Variants in DOCK2 observed in about 807,000 individuals in gnomAD.
The protein encoded by DOCK2 is dedicator of cytokinesis 2, also known as dedicator of cytokinesis protein 2.
In DOCK2, 87 loss-of-function variants were observed where a neutral mutation model predicts 248.9. That is an observed-to-expected ratio of 0.35 (90% confidence interval 0.29 to 0.42). The LOEUF (loss-of-function observed/expected upper bound fraction) is 0.42, where lower values mean the gene tolerates loss of function less well. Among genes scored for constraint, DOCK2 ranks in the 10% least tolerant of loss-of-function variants. The pLI, the probability that DOCK2 is intolerant of heterozygous loss-of-function variation, is 1.00. For missense variants in DOCK2, 1,747 were observed against 2,300.2 expected, an observed-to-expected ratio of 0.76 and a Z score of 4.92; for synonymous variants, 805 against 821.6, an observed-to-expected ratio of 0.98 and a Z score of 0.35.
chr5:169,670,981 C>G, intron 4 of DOCK2, 97 bp from the exon 5 acceptor site: 1 of 939,004 alleles, frequency 1.1e-6, no homozygotes, highest in Non-Finnish European at 1.7e-6. Flanking sequence ...TCAGGAAGGC[C>G]CCTCCGCAGC....
rs139981896 is a variant in DOCK2, at chr5:169,771,533, G to A, written c.2554+9908G>A. On this transcript the variant is annotated intron_variant, in intron 25 of 51. Coordinates refer to ENST00000520908, the MANE Select transcript of DOCK2 (RefSeq NM_004946.3). ...CCTGACCTTGTGATCCCTCTGCCTC[G>A]GCCTCCCAAAGTGCTGAGATTACAG... is the stretch of plus-strand genomic sequence containing the variant. 1.5e-3 allele frequency among the ~76,000 whole-genome samples: 223 copies of A among 152,120 alleles called. 3 individuals carry two copies. Among genetic ancestry groups the A allele is most frequent in the Non-Finnish European group, 2.5e-3 (168 of 67,986 alleles).
rs369302641 is a variant in DOCK2, at chr5:169,837,053, C to T, written c.2704-3704C>T. 2.6e-4 allele frequency among the ~76,000 whole-genome samples: 40 copies of T among 152,216 alleles called. No homozygotes were observed. In the South Asian group the frequency reaches 8.1e-3, roughly 31 times the overall value. On this transcript the variant is annotated intron_variant, in intron 26 of 51. Transcript: ENST00000520908. ...AGGGCTTGGCTCCCTTAGCCCCGACCCTGCCTAGTCCCCATCCACTCCCAG... is the reference window on the plus strand; with the variant it reads ...AGGGCTTGGCTCCCTTAGCCCCGACTCTGCCTAGTCCCCATCCACTCCCAG...
At chr5:169,957,702 C>G (rs932571801) in intron 27 of DOCK2, among the ~76,000 whole-genome samples, 3 of 152,176 alleles carry the variant, frequency 2.0e-5, no homozygotes, top group African/African-American at 7.2e-5. Context: ...TTCAGCTCCC[C>G]AGAGTACCCT....
chr5:170,050,203 C>T, intron 40 of DOCK2, 53 bp from the exon 41 acceptor site: 1 of 1,597,142 alleles, frequency 6.3e-7, no homozygotes, highest in Non-Finnish European at 8.5e-7. Flanking sequence ...TTGCTTGGCC[C>T]CTTTCTTCAC....
At position 169,682,392 on chromosome 5, in the gene DOCK2, A is replaced by G. The variant is rs201442766; in HGVS notation, c.606+513A>G. The stretch of plus-strand genomic sequence containing the variant: ...GCAGGTGCAAAGGCCCTGAGGTAGG[A>G]CTGCATTCTGACTATTCAAGGAGTA... On this transcript the variant is annotated intron_variant, in intron 7 of 51. Transcript: ENST00000520908. Among the ~76,000 whole-genome samples the G allele has an allele frequency of 6.6e-5, 10 of 152,336 alleles. No individual in the cohort carries two copies. In the East Asian group the frequency reaches 1.9e-3, roughly 29 times the overall value.
At chr5:169,709,169 T>C (rs1361022972) in intron 15 of DOCK2, among the ~76,000 whole-genome samples, 2 of 152,220 alleles carry the variant, frequency 1.3e-5, no homozygotes, top group African/African-American at 4.8e-5. Flanking sequence ...GAACTAGATT[T>C]TGCATTCCTT....
chr5:170,057,939 G>A (rs1449786020), intron 44 of DOCK2, among the ~76,000 whole-genome samples: 1 of 151,924 alleles, frequency 6.6e-6, no homozygotes, highest in Non-Finnish European at 1.5e-5. Flanking sequence ...TGTTGGGTGG[G>A]TGGGGTGTAG....
At position 170,082,783 on chromosome 5, in the gene DOCK2, A is replaced by T. The variant is rs368044729; in HGVS notation, c.5431-13A>T. ...TCGCATCTTGGTTTTGTGCTTGTTT[A>T]TTCTCTCAAAAGCTGGCCAGCAAAT... On this transcript the variant is annotated splice_polypyrimidine_tract_variant and intron_variant, in intron 51 of 51. Coordinates refer to ENST00000520908, the MANE Select transcript of DOCK2 (RefSeq NM_004946.3). 2.7e-5 allele frequency: 44 copies of T among 1,613,978 alleles called. No individual in the cohort carries two copies. Among genetic ancestry groups the T allele is most frequent in the Non-Finnish European group, 3.6e-5 (42 of 1,180,016 alleles).
chr5:169,743,931 TTA>T (rs995676509), intron 22 of DOCK2, among the ~76,000 whole-genome samples: 23 of 148,848 alleles, frequency 1.5e-4, no homozygotes, highest in Non-Finnish European at 2.2e-4. Context: ...ATTTATATTA[TTA>T]TATATATATA....
intron 25 of DOCK2, among the ~76,000 whole-genome samples, chr5:169,775,912 G>T (rs1045784036): frequency 6.6e-6 from 1 of 151,298 alleles, no homozygotes; most frequent in Non-Finnish European, 1.5e-5. Flanking sequence ...CTTGCTAAGG[G>T]GGGCCTTGGA....
intron 47 of DOCK2, 120 bp from the exon 48 acceptor site, chr5:170,077,590 G>A (rs1757878244): frequency 2.1e-6 from 3 of 1,438,096 alleles, no homozygotes; most frequent in Non-Finnish European, 2.8e-6. Flanking sequence ...GAACTTTTGT[G>A]CTGATGCTCC....
intron 2 of DOCK2, among the ~76,000 whole-genome samples, chr5:169,666,623 G>A (rs1758750157): frequency 6.6e-6 from 1 of 152,130 alleles, no homozygotes. Flanking sequence ...GACCATATTA[G>A]GGAACCAACA....
At chr5:169,859,944 T>A (rs1017323664) in intron 27 of DOCK2, among the ~76,000 whole-genome samples, 3 of 151,554 alleles carry the variant, frequency 2.0e-5, no homozygotes, top group African/African-American at 7.3e-5. Context: ...TGTCGTGGTT[T>A]CTGGTGGATC....
chr5:169,644,787 C>T (rs998966960), intron 1 of DOCK2, among the ~76,000 whole-genome samples: 45 of 152,060 alleles, frequency 3.0e-4, no homozygotes, highest in Non-Finnish European at 5.1e-4. Context: ...GCTCTCCCTT[C>T]CTTGCAACTC....
At chr5:169,882,528 T>A in intron 27 of DOCK2, 3 of 1,515,750 alleles carry the variant, frequency 2.0e-6, no homozygotes, top group Non-Finnish European at 2.7e-6. Flanking sequence ...CAGTCATTTT[T>A]AATATGAAAA....
intron 34 of DOCK2, among the ~76,000 whole-genome samples, chr5:170,031,114 G>A (rs1205098818): frequency 1.3e-5 from 2 of 152,214 alleles, no homozygotes; most frequent in Non-Finnish European, 2.9e-5. Flanking sequence ...GTCTCACATT[G>A]AATGGATTCA....
chr5:169,678,269 G>T (rs934276807), intron 6 of DOCK2, among the ~76,000 whole-genome samples: 2 of 151,796 alleles, frequency 1.3e-5, no homozygotes, highest in African/African-American at 4.8e-5. Context: ...CTTGAGAAAA[G>T]TTTTTGTTTT....
intron 32 of DOCK2, among the ~76,000 whole-genome samples, chr5:170,018,169 G>A (rs999766342): frequency 6.6e-6 from 1 of 152,204 alleles, no homozygotes; most frequent in African/African-American, 2.4e-5. Flanking sequence ...GCTAAGGGTG[G>A]GAGGTGTAGA....
At chr5:169,909,736 A>C (rs1033662991) in intron 27 of DOCK2, among the ~76,000 whole-genome samples, 3 of 152,224 alleles carry the variant, frequency 2.0e-5, no homozygotes, top group Admixed American at 2.0e-4. Context: ...TTCTATCCCA[A>C]AGCCAGTGTC....
Sources: gnomAD v4.1 joint callset for allele counts (sites outside exome capture counted in the v4.1 genomes callset) on GRCh38, gnomAD v4.1.1 for gene constraint, MANE v1.5 for transcripts, NCBI Gene and HGNC (gene_info 2026-07-23, HGNC 2026-07-21) for gene names.